The following SGCZ variants were observed in gnomAD, a reference collection of about 807,000 sequenced individuals.
The protein encoded by SGCZ is zeta-sarcoglycan.
SGCZ carries 40 observed loss-of-function variants against 41.3 expected under a neutral mutation model. The observed-to-expected ratio is 0.97, with a 90% CI of 0.75 to 1.26. The LOEUF is 1.26. Ranked by LOEUF, SGCZ falls within the 50% of genes most tolerant of loss-of-function variation. SGCZ has a pLI of 0.00. For synonymous variants in SGCZ, 206 were observed against 137.5 expected (o/e 1.50, Z -3.49); for missense variants, 552 against 369.8 (o/e 1.49, Z -4.04).
chr8:14,840,262 T>C (rs1169276010), intron 1 of SGCZ, among the ~76,000 whole-genome samples: 1 of 152,166 alleles, frequency 6.6e-6, no homozygotes, highest in African/African-American at 2.4e-5. Flanking sequence ...TTGCCACCTA[T>C]TATATTGCAA....
chr8:14,769,029 A>G (rs1326028658), intron 1 of SGCZ, among the ~76,000 whole-genome samples: 2 of 151,576 alleles, frequency 1.3e-5, no homozygotes, highest in Non-Finnish European at 2.9e-5. Context: ...TCTCTGATAC[A>G]CACACACACA....
At chr8:14,202,651 T>A (rs767445361) in intron 4 of SGCZ, among the ~76,000 whole-genome samples, 13 of 152,196 alleles carry the variant, frequency 8.5e-5, no homozygotes, top group Non-Finnish European at 1.8e-4. Flanking sequence ...TGATCTCCTT[T>A]CAAGATATTT....
intron 1 of SGCZ, among the ~76,000 whole-genome samples, chr8:14,835,341 G>C (rs904352331): frequency 8.5e-5 from 13 of 152,056 alleles, no homozygotes; most frequent in African/African-American, 3.1e-4. Context: ...TACATTAAAA[G>C]GTTAAAAACC....
At chr8:15,215,292 G>A (rs13257140) in intron 1 of SGCZ, among the ~76,000 whole-genome samples, 48,287 of 152,068 alleles carry the variant, frequency 0.32, 9,836 homozygotes, top group Non-Finnish European at 0.43. Flanking sequence ...TTCTAGTAGG[G>A]TGCCTCTAAA....
At chr8:14,886,209 C>T (rs1178934819) in intron 1 of SGCZ, among the ~76,000 whole-genome samples, 1 of 151,408 alleles carries the variant, frequency 6.6e-6, no homozygotes, top group Non-Finnish European at 1.5e-5. Flanking sequence ...TCTTAGCATA[C>T]TTCATTTCAA....
At chr8:14,139,629 A>G (rs777681525) in intron 5 of SGCZ, among the ~76,000 whole-genome samples, 1 of 152,176 alleles carries the variant, frequency 6.6e-6, no homozygotes, top group African/African-American at 2.4e-5. Context: ...CCCTCGCAAG[A>G]CTAAACCAGG....
chr8:14,102,106 T>A (rs1466573932), intron 7 of SGCZ, among the ~76,000 whole-genome samples: 1,178 of 36,524 alleles, frequency 0.032, 14 homozygotes, highest in Admixed American at 0.13. Flanking sequence ...ATATATATAA[T>A]TTTTTTTTTT....
chr8:15,115,816 T>C (rs1008392399), intron 1 of SGCZ, among the ~76,000 whole-genome samples: 2 of 152,246 alleles, frequency 1.3e-5, no homozygotes, highest in East Asian at 3.9e-4. Flanking sequence ...AATAAACAAC[T>C]TTTTCTGCTG....
intron 1 of SGCZ, among the ~76,000 whole-genome samples, chr8:14,937,032 T>G (rs1800104371): frequency 6.6e-6 from 1 of 151,772 alleles, no homozygotes; most frequent in Non-Finnish European, 1.5e-5. Context: ...TACAGGAGAC[T>G]GTAATGATAA....
intron 1 of SGCZ, among the ~76,000 whole-genome samples, chr8:14,949,017 C>T (rs1296079104): frequency 6.6e-6 from 1 of 152,022 alleles, no homozygotes; most frequent in Non-Finnish European, 1.5e-5. Flanking sequence ...CACAAAGATT[C>T]CCCTCACATA....
chr8:14,202,982 A>T (rs1805503729), intron 4 of SGCZ, among the ~76,000 whole-genome samples: 1 of 152,132 alleles, frequency 6.6e-6, no homozygotes, highest in Non-Finnish European at 1.5e-5. Context: ...ATAGTAAATG[A>T]ATCTCAGAAG....
chr8:14,775,019 C>T (rs911753280), intron 1 of SGCZ, among the ~76,000 whole-genome samples: 2 of 152,076 alleles, frequency 1.3e-5, no homozygotes, highest in Admixed American at 1.3e-4. Flanking sequence ...GGAAAATATT[C>T]AAGCACATAA....
In SGCZ at chr8:14,747,088, G is replaced by T. The variant is rs149156120; in HGVS notation, c.40-192162C>A. ...CTTTTAAGAGTGCTATTTCAATTGG[G>T]GTAAGATTGTATATTATGTTTCACT... On this transcript the variant is annotated intron_variant, in intron 1 of 7. Coordinates refer to ENST00000382080, the MANE Select transcript of SGCZ (RefSeq NM_139167.4). 1.5e-4 allele frequency among the ~76,000 whole-genome samples: 23 copies of T among 152,082 alleles called. No homozygotes were observed. In the East Asian group the frequency reaches 3.9e-3, roughly 26 times the overall value.
chr8:14,384,280 A>G (rs892168645), intron 2 of SGCZ, among the ~76,000 whole-genome samples: 3 of 152,072 alleles, frequency 2.0e-5, no homozygotes, highest in African/African-American at 7.2e-5. Context: ...CCATGTCCCT[A>G]CAAAGGACAT....
At chr8:14,889,779 A>G (rs780355109) in intron 1 of SGCZ, among the ~76,000 whole-genome samples, 2 of 152,078 alleles carry the variant, frequency 1.3e-5, no homozygotes, top group Non-Finnish European at 2.9e-5. Flanking sequence ...TATTTTAAAT[A>G]TATTTTATTT....
intron 1 of SGCZ, among the ~76,000 whole-genome samples, chr8:14,687,203 T>G (rs962859336): frequency 8.1e-5 from 12 of 148,554 alleles, no homozygotes; most frequent in Non-Finnish European, 1.6e-4. Context: ...TTAATTTTAT[T>G]ATTATTATAC....
chr8:14,960,670 G>A (rs926264259), intron 1 of SGCZ, among the ~76,000 whole-genome samples: 1 of 152,006 alleles, frequency 6.6e-6, no homozygotes, highest in African/African-American at 2.4e-5. Flanking sequence ...ATATTACTGA[G>A]TCACAAATAT....
At chr8:15,136,903 T>A (rs1325162622) in intron 1 of SGCZ, among the ~76,000 whole-genome samples, 1 of 152,074 alleles carries the variant, frequency 6.6e-6, no homozygotes, top group Non-Finnish European at 1.5e-5. Flanking sequence ...GCAAGCAGCT[T>A]TGGAACTGGG....
intron 1 of SGCZ, among the ~76,000 whole-genome samples, chr8:14,958,940 A>G (rs113361929): frequency 6.6e-6 from 1 of 152,068 alleles, no homozygotes; most frequent in Non-Finnish European, 1.5e-5. Context: ...ATTCTCTAAA[A>G]CTCTTTTAAT....
Sources: allele counts gnomAD v4.1 joint callset (sites outside exome capture counted in the v4.1 genomes callset), GRCh38; gene constraint gnomAD v4.1.1; transcripts MANE v1.5; gene names NCBI Gene and HGNC (gene_info 2026-07-23, HGNC 2026-07-21).